Variants in OTUD7A observed in about 807,000 individuals in gnomAD.
OTUD7A encodes OTU deubiquitinase 7A.
OTUD7A carries 12 observed loss-of-function variants against 65.7 expected under a neutral mutation model. The ratio of observed to expected loss-of-function variants is 0.18; its 90% CI spans 0.12 to 0.30. The LOEUF (loss-of-function observed/expected upper bound fraction) is 0.30, where lower values mean the gene tolerates loss of function less well. OTUD7A is among the 10% of genes least tolerant of loss of function. The probability of loss-of-function intolerance (pLI) is 1.00; values close to 1 mark genes in which losing one functional copy is unlikely to be tolerated. For missense variants in OTUD7A, 1,148 were observed against 1,304.8 expected, an observed-to-expected ratio of 0.88 and a Z score of 1.85; for synonymous variants, 641 against 586.3, an observed-to-expected ratio of 1.09 and a Z score of -1.35.
intron 1 of OTUD7A, among the ~76,000 whole-genome samples, chr15:31,850,074 G>C (rs1472376273): frequency 6.6e-6 from 1 of 151,758 alleles, no homozygotes; most frequent in Non-Finnish European, 1.5e-5. Context: ...TAAACCCAAA[G>C]GATTATAAAT....
At chr15:31,782,429 A>C (rs1349541940) in intron 1 of OTUD7A, among the ~76,000 whole-genome samples, 3 of 152,186 alleles carry the variant, frequency 2.0e-5, no homozygotes, top group Non-Finnish European at 4.4e-5. Flanking sequence ...CTGAGACACA[A>C]ACTGAGGTCA....
At chr15:31,582,930 T>C (rs1381987776) in intron 3 of OTUD7A, among the ~76,000 whole-genome samples, 1 of 152,172 alleles carries the variant, frequency 6.6e-6, no homozygotes, top group African/African-American at 2.4e-5. Context: ...GCTGGCTGAA[T>C]TACTGAAAGC....
chr15:31,853,814 C>A lies in OTUD7A; in HGVS notation c.-100+16693G>T, dbSNP rs547463667. On this transcript the variant is annotated intron_variant, in intron 1 of 12. Transcript: ENST00000307050. ...CAGTGTGCATCCCGCCCTGGCTTCA[C>A]CCTCATCCTTCTTCTTCAACAAAGA... Among the ~76,000 whole-genome samples the A allele has an allele frequency of 8.5e-4, 129 of 152,318 alleles. 1 individual carries two copies. The highest frequency in any genetic ancestry group is 2.9e-3 in the African/African-American group (122 of 41,552).
intron 8 of OTUD7A, among the ~76,000 whole-genome samples, chr15:31,510,611 C>CTATATGTAACATAT (rs2041679776): frequency 8.9e-5 from 1 of 11,290 alleles, no homozygotes; most frequent in African/African-American, 3.2e-4. Context: ...ATGTAACATA[C>CTATATGTAACATAT]ATATGTATAT....
chr15:31,556,751 C>A (rs1888508815), intron 5 of OTUD7A: 1 of 151,790 alleles, frequency 6.6e-6, no homozygotes, highest in African/African-American at 2.4e-5. Flanking sequence ...AAGGTCTACA[C>A]CGCCGTAGCA....
chr15:31,612,491 T>C (rs1467720443), intron 3 of OTUD7A, among the ~76,000 whole-genome samples: 1 of 152,184 alleles, frequency 6.6e-6, no homozygotes, highest in Non-Finnish European at 1.5e-5. Context: ...AACTCTTCTA[T>C]ATACCAAGAG....
At chr15:31,599,383 C>T (rs962609434) in intron 3 of OTUD7A, among the ~76,000 whole-genome samples, 1 of 152,216 alleles carries the variant, frequency 6.6e-6, no homozygotes, top group African/African-American at 2.4e-5. Context: ...GAGTGGACCT[C>T]CAGCAAACTC....
intron 3 of OTUD7A, among the ~76,000 whole-genome samples, chr15:31,605,147 G>A (rs926849114): frequency 3.9e-5 from 6 of 152,176 alleles, no homozygotes; most frequent in African/African-American, 1.4e-4. Flanking sequence ...GTGGGAGTTA[G>A]AACTTACTCT....
intron 3 of OTUD7A, among the ~76,000 whole-genome samples, chr15:31,593,721 T>A (rs528393552): frequency 6.6e-6 from 1 of 152,024 alleles, no homozygotes; most frequent in African/African-American, 2.4e-5. Flanking sequence ...TTTTAGAAAA[T>A]ATATAATTTC....
intron 1 of OTUD7A, among the ~76,000 whole-genome samples, chr15:31,858,861 C>G (rs76687435): frequency 4.8e-4 from 73 of 152,324 alleles, no homozygotes; most frequent in Non-Finnish European, 9.3e-4. Flanking sequence ...GACCAACTAT[C>G]ACCAGGTGAG....
At chr15:31,852,588 T>C (rs1252859363) in intron 1 of OTUD7A, among the ~76,000 whole-genome samples, 1 of 152,234 alleles carries the variant, frequency 6.6e-6, no homozygotes, top group Non-Finnish European at 1.5e-5. Context: ...AGTACCTACA[T>C]GCCTCCTCCA....
chr15:31,583,143 C>T (rs987251381), intron 3 of OTUD7A, among the ~76,000 whole-genome samples: 3 of 152,228 alleles, frequency 2.0e-5, no homozygotes, highest in Non-Finnish European at 2.9e-5. Flanking sequence ...GTCAGTTCTG[C>T]ACCACCACTG....
chr15:31,671,693 T>G (rs1291106104), intron 1 of OTUD7A, among the ~76,000 whole-genome samples: 1 of 152,236 alleles, frequency 6.6e-6, no homozygotes, highest in African/African-American at 2.4e-5. Flanking sequence ...TCTTTTTATG[T>G]GCTTTTTGAT....
rs558888084 is a variant in OTUD7A at position 31,534,469 on chromosome 15, G to A, written c.551-3661C>T. 2.0e-5 allele frequency among the ~76,000 whole-genome samples: 3 copies of A among 152,290 alleles called. No homozygotes were observed. The South Asian group carries it at 6.2e-4, about 32-fold the overall frequency. On this transcript the variant is annotated intron_variant, in intron 5 of 12. Coordinates refer to ENST00000307050, the MANE Select transcript of OTUD7A (RefSeq NM_001382637.1). ...CATACCTAATGGTGAAAGACTGAATGCTTTACCTCTAAGACTAGGAAAAAG... is the reference window on the plus strand; with the variant it reads ...CATACCTAATGGTGAAAGACTGAATACTTTACCTCTAAGACTAGGAAAAAG...
chr15:31,508,419 C>G (rs534542129), intron 8 of OTUD7A, among the ~76,000 whole-genome samples: 1 of 152,216 alleles, frequency 6.6e-6, no homozygotes, highest in East Asian at 1.9e-4. Flanking sequence ...CGCCGATCTC[C>G]GCTCACTGCA....
intron 1 of OTUD7A, among the ~76,000 whole-genome samples, chr15:31,773,402 T>C (rs555334774): frequency 8.4e-4 from 128 of 152,326 alleles, no homozygotes; most frequent in African/African-American, 2.9e-3. Flanking sequence ...GATAAGGGCC[T>C]GCTACCCATT....
At chr15:31,790,765 T>C (rs1895792965) in intron 1 of OTUD7A, among the ~76,000 whole-genome samples, 1 of 152,120 alleles carries the variant, frequency 6.6e-6, no homozygotes. Context: ...CCTCAATCCA[T>C]GAATGACAGC....
intron 1 of OTUD7A, among the ~76,000 whole-genome samples, chr15:31,714,994 G>T (rs1893546226): frequency 8.5e-6 from 1 of 117,778 alleles, no homozygotes; most frequent in African/African-American, 2.8e-5. Context: ...AAATTAGCCG[G>T]GTGTGGTGGT....
chr15:31,806,885 T>C (rs1340825267), intron 1 of OTUD7A, among the ~76,000 whole-genome samples: 1 of 152,194 alleles, frequency 6.6e-6, no homozygotes, highest in Non-Finnish European at 1.5e-5. Context: ...TCTGCAACCC[T>C]GGGGATGAAG....
Sources: allele counts gnomAD v4.1 joint callset (sites outside exome capture counted in the v4.1 genomes callset), GRCh38; gene constraint gnomAD v4.1.1; transcripts MANE v1.5; gene names NCBI Gene and HGNC (gene_info 2026-07-23, HGNC 2026-07-21).